Variants in ST3GAL4 observed in about 807,000 individuals in gnomAD.
The protein encoded by ST3GAL4 is ST3 beta-galactoside alpha-2,3-sialyltransferase 4.
In ST3GAL4, 24 loss-of-function variants were observed where a neutral mutation model predicts 42.6. The ratio of observed to expected loss-of-function variants is 0.56; its 90% CI spans 0.41 to 0.79. The LOEUF is 0.79. Ranked by LOEUF, ST3GAL4 falls within the 30% of genes least tolerant of loss-of-function variation. The probability of loss-of-function intolerance (pLI) is 0.00; values close to 1 mark genes in which losing one functional copy is unlikely to be tolerated. For missense variants in ST3GAL4, 311 were observed against 430.8 expected (o/e 0.72, Z 2.46); for synonymous variants, 135 against 163.2 (o/e 0.83, Z 1.32).
chr11:126,374,085 T>A (rs1022040051), intron 1 of ST3GAL4, among the ~76,000 whole-genome samples: 1 of 151,852 alleles, frequency 6.6e-6, no homozygotes. Context: ...GAAACATCTT[T>A]GCAAGCAGGG....
chr11:126,403,901 G>A (rs1055141399), intron 1 of ST3GAL4, among the ~76,000 whole-genome samples: 4 of 152,290 alleles, frequency 2.6e-5, no homozygotes, highest in South Asian at 2.1e-4. Flanking sequence ...TGAGAAGTGT[G>A]CTTTCAGGTC....
At chr11:126,367,422 G>A (rs993669946) in intron 1 of ST3GAL4, among the ~76,000 whole-genome samples, 6 of 152,174 alleles carry the variant, frequency 3.9e-5, no homozygotes, top group Non-Finnish European at 8.8e-5. Context: ...TTGTGGTAGT[G>A]GTGGGGGCAG....
chr11:126,366,562 G>A lies in ST3GAL4; in HGVS notation c.-61+10720G>A, dbSNP rs1045528081. On this transcript the variant is annotated intron_variant, in intron 1 of 10. Transcript: ENST00000444328. This position sits in a 1 kb window ranked among gnomAD's most constrained non-coding sequence, Gnocchi z 4.2. ...CATTGAGTCCTCATCTGGGGGCCCTGTTCCACTCTCCTTCCCGTGTGCAGG... is the reference window on the plus strand; with the variant it reads ...CATTGAGTCCTCATCTGGGGGCCCTATTCCACTCTCCTTCCCGTGTGCAGG... Among the ~76,000 whole-genome samples the A allele has an allele frequency of 1.3e-5, 2 of 152,178 alleles. No homozygotes were observed. The highest frequency in any genetic ancestry group is 4.8e-5 in the African/African-American group (2 of 41,444).
At position 126,396,563 on chromosome 11, in the gene ST3GAL4, A is replaced by G. The variant is rs12276174; in HGVS notation, c.-60-9533A>G. ...TGTCTCGTGCGGAAGCGTGGCTGAGAAGGGGCTCGACAGGCTCTTCGTCAC... is the reference window on the plus strand; with the variant it reads ...TGTCTCGTGCGGAAGCGTGGCTGAGGAGGGGCTCGACAGGCTCTTCGTCAC... On this transcript the variant is annotated intron_variant, in intron 1 of 10. Coordinates refer to ENST00000444328, the MANE Select transcript of ST3GAL4 (RefSeq NM_001254757.2). The surrounding 1 kb of genome is among the most constrained non-coding windows in gnomAD (Gnocchi z 5.8). Among the ~76,000 whole-genome samples the G allele has an allele frequency of 0.011, 1,634 of 150,514 alleles. 31 individuals carry two copies. Among genetic ancestry groups the G allele is most frequent in the African/African-American group, 0.033 (1,321 of 39,906 alleles).
rs1469283171 is a variant in ST3GAL4, at chr11:126,397,485, C to T, written c.-60-8611C>T. On this transcript the variant is annotated intron_variant, in intron 1 of 10. Coordinates refer to ENST00000444328, the MANE Select transcript of ST3GAL4 (RefSeq NM_001254757.2). This position sits in a 1 kb window ranked among gnomAD's most constrained non-coding sequence, Gnocchi z 5.0. ...TGAAATTAAGGTATAAACAACGTCT[C>T]ATGGGAACCAAAACATCAGTCATTT... Among the ~76,000 whole-genome samples the T allele has an allele frequency of 6.6e-6, 1 of 151,132 alleles. No individual in the cohort carries two copies. The highest frequency in any genetic ancestry group is 1.9e-4 in the East Asian group (1 of 5,196).
At position 126,414,275 on chromosome 11, in the gene ST3GAL4, G is replaced by A. The variant is rs1954648795; in HGVS notation, c.*228G>A. 1 of 574,896 alleles carries A rather than the reference G, an allele frequency of 1.7e-6. No homozygotes were observed. The allele number at this position is 574,896 out of a possible 1,614,324, so 35.6% of individuals were successfully genotyped here. On this transcript the variant is annotated 3_prime_UTR_variant, in exon 11 of 11. Transcript: ENST00000444328. ...GCTGGAGCCGTGGGAGCCCGGCCAG[G>A]GCAGGGGGCTCGTTGCTGTGGCACC... is the stretch of plus-strand genomic sequence containing the variant.
intron 1 of ST3GAL4, among the ~76,000 whole-genome samples, chr11:126,372,916 T>C (rs927759690): frequency 2.6e-5 from 4 of 152,266 alleles, no homozygotes; most frequent in African/African-American, 9.6e-5. Flanking sequence ...GCTTTGATAT[T>C]CTGGTTTCAG....
At position 126,393,904 on chromosome 11, in the gene ST3GAL4, G is replaced by A. The variant is rs1165976068; in HGVS notation, c.-60-12192G>A. Reference sequence around the variant, plus strand: ...GCCAAAATCTTGGCATTTCAACATGGGATGAGCATAAAATAATGAAGGTGA... The same window carrying A: ...GCCAAAATCTTGGCATTTCAACATGAGATGAGCATAAAATAATGAAGGTGA... On this transcript the variant is annotated intron_variant, in intron 1 of 10. Coordinates refer to ENST00000444328, the MANE Select transcript of ST3GAL4 (RefSeq NM_001254757.2). The surrounding 1 kb of genome is among the most constrained non-coding windows in gnomAD (Gnocchi z 5.9). 2.0e-5 allele frequency among the ~76,000 whole-genome samples: 3 copies of A among 152,336 alleles called. No individual in the cohort carries two copies. The highest frequency in any genetic ancestry group is 2.0e-4 in the Admixed American group (3 of 15,306).
Position 126,359,878 on chromosome 11 carries a change from A to G in ST3GAL4, c.-61+4036A>G, listed in dbSNP as rs911276697. ...CTTTGGAAATGTGGCTGCCGCCCACATGGCTGCAAGGCAACCACGGCCACA... is the reference window on the plus strand; with the variant it reads ...CTTTGGAAATGTGGCTGCCGCCCACGTGGCTGCAAGGCAACCACGGCCACA... On this transcript the variant is annotated intron_variant, in intron 1 of 10. Transcript: ENST00000444328. This position sits in a 1 kb window ranked among gnomAD's most constrained non-coding sequence, Gnocchi z 4.8. 1.3e-5 allele frequency among the ~76,000 whole-genome samples: 2 copies of G among 152,180 alleles called. No individual in the cohort carries two copies. Among genetic ancestry groups the G allele is most frequent in the African/African-American group, 2.4e-5 (1 of 41,424 alleles).
At chr11:126,375,243 AC>A (rs1177108482) in intron 1 of ST3GAL4, 1 of 152,248 alleles carries the variant, frequency 6.6e-6, no homozygotes, top group Non-Finnish European at 1.5e-5. Context: ...TTGAACACAT[AC>A]TGCAGAGCTT....
At chr11:126,382,832 C>T (rs540702141) in intron 1 of ST3GAL4, among the ~76,000 whole-genome samples, 2 of 152,350 alleles carry the variant, frequency 1.3e-5, no homozygotes, top group Non-Finnish European at 2.9e-5. Context: ...TCCCTCTCAT[C>T]ACCCCCCCAG....
rs1953832227 is a variant in ST3GAL4, at chr11:126,397,522, T to C, written c.-60-8574T>C. On this transcript the variant is annotated intron_variant, in intron 1 of 10. Coordinates refer to ENST00000444328, the MANE Select transcript of ST3GAL4 (RefSeq NM_001254757.2). The surrounding 1 kb of genome is among the most constrained non-coding windows in gnomAD (Gnocchi z 5.0). ...AACATCAGTCATTTGGAAGTATAAG[T>C]CAAGCCTTCGTAGGAGAGGAACCAT... 6.6e-6 allele frequency among the ~76,000 whole-genome samples: 1 copy of C among 151,102 alleles called. No individual in the cohort carries two copies. Among genetic ancestry groups the C allele is most frequent in the Admixed American group, 6.6e-5 (1 of 15,214 alleles).
At chr11:126,413,146 G>GT (rs955322977) in intron 9 of ST3GAL4, among the ~76,000 whole-genome samples, 1 of 152,076 alleles carries the variant, frequency 6.6e-6, no homozygotes, top group Non-Finnish European at 1.5e-5. Context: ...CCAGGCTGGA[G>GT]TGCAGCAGCT....
intron 9 of ST3GAL4, among the ~76,000 whole-genome samples, chr11:126,412,540 C>CTG (rs1256500387): frequency 3.3e-5 from 5 of 152,222 alleles, no homozygotes; most frequent in Admixed American, 6.5e-5. Flanking sequence ...AAAGGTACTG[C>CTG]TGTCCTGCTT....
intron 1 of ST3GAL4, among the ~76,000 whole-genome samples, chr11:126,403,973 G>A (rs1430960395): frequency 6.6e-6 from 1 of 152,130 alleles, no homozygotes; most frequent in African/African-American, 2.4e-5. Context: ...TCACCCAGCG[G>A]GCTTCAGCGA....
chr11:126,412,573 G>A (rs1349433279), intron 9 of ST3GAL4, among the ~76,000 whole-genome samples: 1 of 152,348 alleles, frequency 6.6e-6, no homozygotes, highest in East Asian at 1.9e-4. Context: ...CAGCCACCAT[G>A]GCTCACGCCT....
Position 126,414,183 on chromosome 11 carries a change from C to A in ST3GAL4, c.*136C>A. ...CTTGGGGAGGGAGTTCTGGGCCTGGCCAGGTCTGAGATGAGGCCATGCCCC... is the reference window on the plus strand; with the variant it reads ...CTTGGGGAGGGAGTTCTGGGCCTGGACAGGTCTGAGATGAGGCCATGCCCC... On this transcript the variant is annotated 3_prime_UTR_variant, in exon 11 of 11. Transcript: ENST00000444328. 2.4e-6 allele frequency: 2 copies of A among 832,350 alleles called. No homozygotes were observed. The highest frequency in any genetic ancestry group is 4.0e-6 in the Non-Finnish European group (2 of 501,006). The allele number at this position is 832,350 out of a possible 1,614,324, so 51.6% of individuals were successfully genotyped here. A position where few individuals can be genotyped will look rare whatever the true frequency, so the allele number is the denominator to read the frequency against.
At chr11:126,368,985 G>T (rs1952535135) in intron 1 of ST3GAL4, among the ~76,000 whole-genome samples, 1 of 152,116 alleles carries the variant, frequency 6.6e-6, no homozygotes, top group Non-Finnish European at 1.5e-5. Context: ...TAGGGGGAGG[G>T]CTGGAGCCCA....
rs1320954448 is a variant in ST3GAL4 at position 126,391,874 on chromosome 11, A to ATGTTGTGAAGTGGAAATACTGGGGTG, written c.-60-14217_-60-14192dup. On this transcript the variant is annotated intron_variant, in intron 1 of 10. Coordinates refer to ENST00000444328, the MANE Select transcript of ST3GAL4 (RefSeq NM_001254757.2). The surrounding 1 kb of genome is among the most constrained non-coding windows in gnomAD (Gnocchi z 5.5). ...TTGCTCTGTGTTTGGCCCATACCTA[A>ATGTTGTGAAGTGGAAATACTGGGGTG]TGTTGTGAAGTGGAAATACTGGGGT... is the stretch of plus-strand genomic sequence containing the variant. 6.6e-6 allele frequency among the ~76,000 whole-genome samples: 1 copy of ATGTTGTGAAGTGGAAATACTGGGGTG among 150,880 alleles called. No individual in the cohort carries two copies. The highest frequency in any genetic ancestry group is 2.4e-5 in the African/African-American group (1 of 40,876).
Sources: gnomAD v4.1 joint callset for allele counts (sites outside exome capture counted in the v4.1 genomes callset) on GRCh38, gnomAD v4.1.1 for gene constraint, Gnocchi (gnomAD v3.1) non-coding constraint, MANE v1.5 for transcripts, NCBI Gene and HGNC (gene_info 2026-07-23, HGNC 2026-07-21) for gene names.